Variants in AGBL4 observed in about 807,000 individuals in gnomAD.
AGBL4 encodes AGBL carboxypeptidase 4.
A neutral mutation model predicts 66.4 loss-of-function variants in AGBL4; 58 were observed. The ratio of observed to expected loss-of-function variants is 0.87; its 90% CI spans 0.71 to 1.09. The LOEUF is 1.09. Ranked by LOEUF, AGBL4 falls within the 50% of genes least tolerant of loss-of-function variation. AGBL4 has a pLI of 0.00. For missense variants in AGBL4, 579 were observed against 631.0 expected, an observed-to-expected ratio of 0.92 and a Z score of 0.88; for synonymous variants, 234 against 222.9, an observed-to-expected ratio of 1.05 and a Z score of -0.44.
intron 6 of AGBL4, chr1:48,777,105 C>T (rs980430058): frequency 3.7e-5 from 14 of 377,838 alleles, no homozygotes; most frequent in African/African-American, 2.8e-4. Context: ...CTTGCAAAGT[C>T]AGACCCGAGC....
At chr1:48,851,300 G>C (rs529035324) in intron 6 of AGBL4, among the ~76,000 whole-genome samples, 30 of 152,284 alleles carry the variant, frequency 2.0e-4, no homozygotes, top group African/African-American at 7.0e-4. Flanking sequence ...TAGGAAGGAA[G>C]GAAAGGATGA....
chr1:48,889,305 TAC>T (rs1462655677), intron 5 of AGBL4, among the ~76,000 whole-genome samples: 2 of 152,202 alleles, frequency 1.3e-5, no homozygotes, highest in Non-Finnish European at 2.9e-5. Flanking sequence ...TCTAATCATA[TAC>T]AGTCTATTTA....
intron 3 of AGBL4, among the ~76,000 whole-genome samples, chr1:49,421,543 A>T (rs1335799467): frequency 6.6e-6 from 1 of 152,244 alleles, no homozygotes; most frequent in Non-Finnish European, 1.5e-5. Context: ...AAAATTGACA[A>T]GAGAAAAAAC....
intron 1 of AGBL4, among the ~76,000 whole-genome samples, chr1:49,854,215 G>A (rs1471959059): frequency 1.3e-5 from 2 of 151,598 alleles, no homozygotes; most frequent in South Asian, 2.1e-4. Context: ...CAAGTGTCAG[G>A]CCCCTCTAAA....
At chr1:49,114,256 T>G (rs1645471440) in intron 4 of AGBL4, among the ~76,000 whole-genome samples, 1 of 152,230 alleles carries the variant, frequency 6.6e-6, no homozygotes, top group African/African-American at 2.4e-5. Flanking sequence ...CCTTGCACTT[T>G]TTATGTTATG....
chr1:49,356,052 T>C (rs1414592773), intron 3 of AGBL4, among the ~76,000 whole-genome samples: 1 of 152,082 alleles, frequency 6.6e-6, no homozygotes, highest in Non-Finnish European at 1.5e-5. Flanking sequence ...CCTACATCTT[T>C]GGAAATATAA....
At chr1:49,866,065 G>A (rs902001780) in intron 1 of AGBL4, 3 of 193,070 alleles carry the variant, frequency 1.6e-5, no homozygotes, top group Non-Finnish European at 3.4e-5. Context: ...AGAGAAAGAA[G>A]AATAAAAAGA....
chr1:48,587,796 C>G (rs1644847824), intron 10 of AGBL4, among the ~76,000 whole-genome samples: 1 of 151,394 alleles, frequency 6.6e-6, no homozygotes, highest in South Asian at 2.1e-4. Context: ...GTGCCCACCA[C>G]CACGACTGGC....
intron 5 of AGBL4, among the ~76,000 whole-genome samples, chr1:48,949,218 T>A (rs1656765465): frequency 1.3e-5 from 2 of 152,150 alleles, no homozygotes; most frequent in Non-Finnish European, 2.9e-5. Flanking sequence ...CAGGGGGCAC[T>A]TTTCCCTCAC....
chr1:49,212,795 T>G (rs1340250684), intron 4 of AGBL4, among the ~76,000 whole-genome samples: 1 of 152,132 alleles, frequency 6.6e-6, no homozygotes, highest in Non-Finnish European at 1.5e-5. Flanking sequence ...CTGCTTTTAG[T>G]CCTTGGTAGC....
chr1:49,827,396 T>A (rs567004801), intron 2 of AGBL4, among the ~76,000 whole-genome samples: 50 of 152,086 alleles, frequency 3.3e-4, no homozygotes, highest in African/African-American at 1.2e-3. Flanking sequence ...TTTTTGAAAT[T>A]AAAAAAAAGT....
At chr1:48,738,699 C>T (rs533236195) in intron 6 of AGBL4, among the ~76,000 whole-genome samples, 47 of 152,246 alleles carry the variant, frequency 3.1e-4, no homozygotes, top group African/African-American at 1.1e-3. Context: ...GCTTTTTTCC[C>T]CCACCACTGA....
chr1:49,556,263 G>A (rs1643894410), intron 3 of AGBL4, among the ~76,000 whole-genome samples: 1 of 151,988 alleles, frequency 6.6e-6, no homozygotes, highest in South Asian at 2.1e-4. Context: ...ATCATTCTCA[G>A]CAAACTATCA....
chr1:48,959,306 A>G (rs1002789732), intron 5 of AGBL4, among the ~76,000 whole-genome samples: 2 of 152,194 alleles, frequency 1.3e-5, no homozygotes, highest in Non-Finnish European at 2.9e-5. Flanking sequence ...AACTCCCTGA[A>G]TCATAGGTGA....
intron 7 of AGBL4, among the ~76,000 whole-genome samples, chr1:48,656,236 T>C (rs1557858546): frequency 6.6e-6 from 1 of 152,220 alleles, no homozygotes; most frequent in Non-Finnish European, 1.5e-5. Context: ...AGGATGAACC[T>C]CTCTAGCCAA....
chr1:48,959,447 G>T (rs1391018623), intron 5 of AGBL4, among the ~76,000 whole-genome samples: 2 of 152,166 alleles, frequency 1.3e-5, no homozygotes, highest in Non-Finnish European at 2.9e-5. Flanking sequence ...ATATAGTAAT[G>T]AATGTCATAG....
rs76634539 is a variant in AGBL4 at position 48,634,479 on chromosome 1, A to G, written c.951+14T>C. 8,313 of 1,573,284 alleles carry G rather than the reference A, an allele frequency of 5.3e-3. 306 individuals are homozygous for G. In the African/African-American group the frequency reaches 0.085, roughly 16 times the overall value. On this transcript the variant is annotated intron_variant, in intron 9 of 13. Transcript: ENST00000371839. Reference sequence around the variant, plus strand: ...CCATAGATCAGCAGCTGTGGAGGGCATTCAGTTACTTACTGGGTCGTTGTA... The same window carrying G: ...CCATAGATCAGCAGCTGTGGAGGGCGTTCAGTTACTTACTGGGTCGTTGTA...
intron 9 of AGBL4, among the ~76,000 whole-genome samples, chr1:48,605,535 T>G (rs1490766797): frequency 6.6e-6 from 1 of 152,224 alleles, no homozygotes. Context: ...CTATTGTCAC[T>G]CAACCCTTCT....
At chr1:49,950,512 T>A (rs1656065554) in intron 1 of AGBL4, among the ~76,000 whole-genome samples, 1 of 151,504 alleles carries the variant, frequency 6.6e-6, no homozygotes, top group South Asian at 2.1e-4. Context: ...CTAAAGAACT[T>A]ACTCATGTAA....
Sources: gnomAD v4.1 joint callset for allele counts (sites outside exome capture counted in the v4.1 genomes callset) on GRCh38, gnomAD v4.1.1 for gene constraint, MANE v1.5 for transcripts, NCBI Gene and HGNC (gene_info 2026-07-23, HGNC 2026-07-21) for gene names.